The following CWH43 variants were observed in gnomAD, a reference collection of about 807,000 sequenced individuals.
CWH43 encodes the protein PGAP2-interacting protein.
A neutral mutation model predicts 85.7 loss-of-function variants in CWH43; 91 were observed. That is an observed-to-expected ratio of 1.06 (90% CI 0.90 to 1.26). CWH43 has a LOEUF of 1.26. Among genes scored for constraint, CWH43 ranks in the 50% most tolerant of loss-of-function variants. The probability of loss-of-function intolerance (pLI) is 0.00; values close to 1 mark genes in which losing one functional copy is unlikely to be tolerated. For synonymous variants in CWH43, 323 were observed against 293.6 expected (o/e 1.10, Z -1.02); for missense variants, 869 against 839.2 (o/e 1.04, Z -0.44).
intron 6 of CWH43, among the ~76,000 whole-genome samples, chr4:49,000,293 T>C (rs2109755853): frequency 6.6e-6 from 1 of 152,316 alleles, no homozygotes; most frequent in East Asian, 1.9e-4. Context: ...GTAATCCAGA[T>C]ACGTGGCTAA....
In CWH43 at chr4:48,992,121, G is replaced by T. The variant is rs11410065; in HGVS notation, c.511+31G>T. 0.65 allele frequency: 1,023,972 copies of T among 1,584,852 alleles called. 343,129 individuals are homozygous for T. The highest frequency in any genetic ancestry group is 0.77 in the Admixed American group (44,906 of 58,262). The stretch of plus-strand genomic sequence containing the variant: ...ACTGTAACTTAGGAATTTTCTCTTT[G>T]CAGAGCTTACCTTTCCTATGTGAAT... On this transcript the variant is annotated intron_variant, in intron 4 of 15. Coordinates refer to ENST00000226432, the MANE Select transcript of CWH43 (RefSeq NM_025087.3). This position sits in a 1 kb window ranked among gnomAD's most constrained non-coding sequence, Gnocchi z 4.3.
At chr4:49,026,076 C>T (rs1386223790) in intron 9 of CWH43, among the ~76,000 whole-genome samples, 1 of 151,982 alleles carries the variant, frequency 6.6e-6, no homozygotes, top group Non-Finnish European at 1.5e-5. Flanking sequence ...GTTATGTTTC[C>T]AGGAGAATTA....
chr4:49,054,993 T>TTTA (rs1362173678), intron 15 of CWH43, among the ~76,000 whole-genome samples: 3 of 152,138 alleles, frequency 2.0e-5, no homozygotes, highest in Non-Finnish European at 4.4e-5. Flanking sequence ...TTAGATGTAT[T>TTTA]TTATTCCTTT....
chr4:49,059,034 C>CT (rs1348567455), intron 15 of CWH43, among the ~76,000 whole-genome samples: 1 of 152,074 alleles, frequency 6.6e-6, no homozygotes, highest in Non-Finnish European at 1.5e-5. Context: ...AGTTCAGCTG[C>CT]TTTTTTTAAA....
intron 6 of CWH43, 63 bp downstream of exon 6, chr4:48,998,611 C>A: frequency 8.5e-7 from 1 of 1,183,424 alleles, no homozygotes; most frequent in Non-Finnish European, 1.3e-6. Context: ...TGTTTGCAAG[C>A]ATGCGCAACT....
chr4:49,051,477 T>A (rs907370285), intron 15 of CWH43, among the ~76,000 whole-genome samples: 45 of 152,194 alleles, frequency 3.0e-4, no homozygotes, highest in African/African-American at 1.0e-3. Context: ...CTGTGGAATT[T>A]AAAAAATTAT....
chr4:48,989,817 A>T (rs766429193), intron 2 of CWH43, among the ~76,000 whole-genome samples: 1 of 152,238 alleles, frequency 6.6e-6, no homozygotes, highest in Non-Finnish European at 1.5e-5. Flanking sequence ...GTCCATAGGA[A>T]TTGAAAGACA....
chr4:49,029,369 G>A (rs1055095879), intron 10 of CWH43, among the ~76,000 whole-genome samples: 24 of 152,142 alleles, frequency 1.6e-4, no homozygotes, highest in Admixed American at 5.9e-4. Flanking sequence ...CTCCATTCTC[G>A]ATTAACCAGG....
chr4:49,019,069 G>A (rs1783653284), intron 9 of CWH43, among the ~76,000 whole-genome samples: 1 of 152,126 alleles, frequency 6.6e-6, no homozygotes, highest in Non-Finnish European at 1.5e-5. Flanking sequence ...CATTCATTTG[G>A]CTAATGATTA....
At chr4:49,032,159 A>T (rs2109807825) in intron 11 of CWH43, among the ~76,000 whole-genome samples, 1 of 152,320 alleles carries the variant, frequency 6.6e-6, no homozygotes, top group African/African-American at 2.4e-5. Flanking sequence ...CCTATAGGAC[A>T]GTTTTTCATT....
At chr4:49,039,961 G>T (rs1784405699) in intron 13 of CWH43, among the ~76,000 whole-genome samples, 1 of 150,964 alleles carries the variant, frequency 6.6e-6, no homozygotes, top group African/African-American at 2.4e-5. Flanking sequence ...TGTTCTCATT[G>T]TTCAGTTCCC....
intron 15 of CWH43, among the ~76,000 whole-genome samples, chr4:49,059,561 G>A (rs1025872693): frequency 6.6e-5 from 10 of 152,124 alleles, no homozygotes; most frequent in South Asian, 2.1e-4. Context: ...GAAAAAGTGG[G>A]CATCTCTTCT....
intron 8 of CWH43, among the ~76,000 whole-genome samples, chr4:49,015,672 T>C (rs1783521712): frequency 6.6e-6 from 1 of 152,212 alleles, no homozygotes; most frequent in South Asian, 2.1e-4. Context: ...TCCAATTAGA[T>C]ATGTGTTGGA....
At position 49,026,585 on chromosome 4, in the gene CWH43, G is replaced by A. The variant is rs540263810; in HGVS notation, c.1267-2044G>A. Reference sequence around the variant, plus strand: ...CCCCAAAGTTCATTGTATAACTCATGCCTTTGCATCCTCATAGCTTAGCTC... The same window carrying A: ...CCCCAAAGTTCATTGTATAACTCATACCTTTGCATCCTCATAGCTTAGCTC... On this transcript the variant is annotated intron_variant, in intron 9 of 15. Transcript: ENST00000226432. Among the ~76,000 whole-genome samples, 89 of 134,746 alleles carry A rather than the reference G, an allele frequency of 6.6e-4. 2 individuals carry two copies. The highest frequency in any genetic ancestry group is 2.4e-3 in the African/African-American group (88 of 36,240). 88.4% of individuals were successfully genotyped at this position (134,746 alleles called of 152,430 possible).
intron 14 of CWH43, among the ~76,000 whole-genome samples, chr4:49,049,851 C>T (rs1024837566): frequency 1.1e-4 from 17 of 152,316 alleles, no homozygotes; most frequent in African/African-American, 3.8e-4. Flanking sequence ...GCCTGTCCTT[C>T]TTACACTGCA....
intron 12 of CWH43, among the ~76,000 whole-genome samples, chr4:49,037,544 C>T (rs1191873868): frequency 4.1e-5 from 6 of 147,276 alleles, no homozygotes; most frequent in African/African-American, 1.2e-4. Flanking sequence ...CACTCCAGTC[C>T]GGGTGTCAGT....
chr4:49,051,125 C>G (rs1784783370), intron 15 of CWH43, among the ~76,000 whole-genome samples: 1 of 152,168 alleles, frequency 6.6e-6, no homozygotes, highest in Non-Finnish European at 1.5e-5. Flanking sequence ...TCATCACTGT[C>G]ACCTCCACGA....
chr4:48,986,737 C>T, intron 1 of CWH43: 1 of 1,310,904 alleles, frequency 7.6e-7, no homozygotes, highest in Non-Finnish European at 9.7e-7. Context: ...TGGGATTGTG[C>T]CCAAGGAGCG....
chr4:49,017,682 C>T (rs11725397), intron 9 of CWH43, among the ~76,000 whole-genome samples: 1 of 151,502 alleles, frequency 6.6e-6, no homozygotes, highest in Non-Finnish European at 1.5e-5. Flanking sequence ...TTTAATTATC[C>T]CATGGTTCTA....
Sources: gnomAD v4.1 joint callset for allele counts (sites outside exome capture counted in the v4.1 genomes callset) on GRCh38, gnomAD v4.1.1 for gene constraint, Gnocchi (gnomAD v3.1) non-coding constraint, MANE v1.5 for transcripts, NCBI Gene and HGNC (gene_info 2026-07-23, HGNC 2026-07-21) for gene names.